The following RANBP10 variants were observed in gnomAD, a reference collection of about 807,000 sequenced individuals.
The protein encoded by RANBP10 is RAN binding protein 10.
RANBP10 carries 24 observed loss-of-function variants against 72.8 expected under a neutral mutation model. That is an observed-to-expected ratio of 0.33 (90% CI 0.24 to 0.46). The LOEUF (loss-of-function observed/expected upper bound fraction) is 0.46. RANBP10 is among the 20% of genes least tolerant of loss of function. RANBP10 has a pLI of 1.00. For missense variants in RANBP10, 679 were observed against 817.5 expected (o/e 0.83, Z 2.07); for synonymous variants, 310 against 322.3 (o/e 0.96, Z 0.41).
At chr16:67,779,453 A>T (rs2054772333) in intron 2 of RANBP10, among the ~76,000 whole-genome samples, 1 of 152,086 alleles carries the variant, frequency 6.6e-6, no homozygotes, top group African/African-American at 2.4e-5. Context: ...TGAGCTGCCA[A>T]GAATGAGACA....
intron 3 of RANBP10, among the ~76,000 whole-genome samples, chr16:67,747,724 C>T (rs1336509518): frequency 4.6e-5 from 7 of 151,040 alleles, no homozygotes; most frequent in African/African-American, 1.5e-4. Flanking sequence ...AGGCTGGTCT[C>T]GAACTCCTGA....
intron 3 of RANBP10, among the ~76,000 whole-genome samples, chr16:67,759,954 G>T (rs2054363128): frequency 6.6e-6 from 1 of 152,082 alleles, no homozygotes. Flanking sequence ...CAAAAAATTA[G>T]CTGGGTGTGG....
intron 3 of RANBP10, among the ~76,000 whole-genome samples, chr16:67,753,830 C>T (rs143635140): frequency 5.5e-4 from 84 of 152,072 alleles, no homozygotes; most frequent in African/African-American, 2.0e-3. Flanking sequence ...TACATGGTGG[C>T]ACCATTTATC....
chr16:67,769,894 C>A (rs1376195550), intron 3 of RANBP10, among the ~76,000 whole-genome samples: 1 of 151,884 alleles, frequency 6.6e-6, no homozygotes, highest in African/African-American at 2.4e-5. Context: ...GGTGAGACCC[C>A]GCCTCTACAA....
intron 2 of RANBP10, among the ~76,000 whole-genome samples, chr16:67,788,963 C>T (rs2054974004): frequency 6.8e-6 from 1 of 147,892 alleles, no homozygotes; most frequent in Non-Finnish European, 1.5e-5. Context: ...CACCACTGCA[C>T]TCCAGCCTGG....
At chr16:67,778,354 A>T (rs78183824) in intron 2 of RANBP10, among the ~76,000 whole-genome samples, 6 of 145,360 alleles carry the variant, frequency 4.1e-5, no homozygotes, top group African/African-American at 1.0e-4. Context: ...TGTCTAAAAT[A>T]AAAAAAAAAA....
chr16:67,793,308 ATT>A (rs752769973), intron 2 of RANBP10, among the ~76,000 whole-genome samples: 110 of 131,456 alleles, frequency 8.4e-4, no homozygotes, highest in Middle Eastern at 3.8e-3. Context: ...CTGGCTTGTA[ATT>A]TTTTTTTTTT....
At chr16:67,735,105 C>A in intron 5 of RANBP10, 63 bp from the exon 6 acceptor site, 1 of 1,428,544 alleles carries the variant, frequency 7.0e-7, no homozygotes, top group Non-Finnish European at 9.5e-7. Context: ...GGCCTCACCT[C>A]ACCTCCATGG....
intron 3 of RANBP10, among the ~76,000 whole-genome samples, chr16:67,748,590 G>A (rs755577275): frequency 1.3e-5 from 2 of 152,036 alleles, no homozygotes; most frequent in Non-Finnish European, 2.9e-5. Flanking sequence ...TATTTGTACA[G>A]ATAGGGTCTT....
chr16:67,761,745 A>T (rs1007473231), intron 3 of RANBP10, among the ~76,000 whole-genome samples: 1 of 151,974 alleles, frequency 6.6e-6, no homozygotes, highest in Non-Finnish European at 1.5e-5. Context: ...AATTTTTTAT[A>T]TCTTTGGTAG....
chr16:67,771,448 C>T (rs369719058), intron 3 of RANBP10, among the ~76,000 whole-genome samples: 2 of 151,882 alleles, frequency 1.3e-5, no homozygotes, highest in African/African-American at 2.4e-5. Flanking sequence ...CGGGTTCAAG[C>T]GATTCTCCTG....
intron 2 of RANBP10, among the ~76,000 whole-genome samples, chr16:67,790,955 C>T (rs1419652239): frequency 6.6e-6 from 1 of 151,386 alleles, no homozygotes; most frequent in Non-Finnish European, 1.5e-5. Flanking sequence ...ACCTCAGCCT[C>T]CCAAAGTGCT....
At chr16:67,761,533 C>T (rs771901720) in intron 3 of RANBP10, among the ~76,000 whole-genome samples, 4 of 152,188 alleles carry the variant, frequency 2.6e-5, no homozygotes, top group Non-Finnish European at 4.4e-5. Context: ...TCAATGATAC[C>T]TAACTCCACT....
Position 67,731,489 on chromosome 16 carries a change from G to A in RANBP10, c.872C>T (p.Ser291Phe). 6.2e-7 allele frequency: 1 copy of A among 1,613,508 alleles called. No individual in the cohort carries two copies. ...AACCTTACTTTGTCTGTTCTTTATG[G>A]ACGCCTGTTCTTCCTGAATCGGGGT... The part of the protein sequence containing the change: ...TETPIQEEQA[S>F]IKNRQKIQKL... Residue 291 changes from serine to phenylalanine, a missense_variant, in exon 7 of 14, where the codon TCC becomes TTC. Physicochemically the swap from Ser to Phe is radical, Grantham distance 155. Coordinates refer to ENST00000317506, the MANE Select transcript of RANBP10 (RefSeq NM_020850.3).
intron 2 of RANBP10, among the ~76,000 whole-genome samples, chr16:67,783,228 C>G (rs773484727): frequency 6.6e-6 from 1 of 152,186 alleles, no homozygotes; most frequent in East Asian, 1.9e-4. Flanking sequence ...CTCCAACTGA[C>G]TAGAGTTTCT....
rs1355447881 is a variant in RANBP10 at position 67,726,182 on chromosome 16, C to T, written c.*246G>A. On this transcript the variant is annotated 3_prime_UTR_variant, in exon 14 of 14. Coordinates refer to ENST00000317506, the MANE Select transcript of RANBP10 (RefSeq NM_020850.3). Reference sequence around the variant, plus strand: ...CCCCCTTTCAAAATAGAAGGCGCTACATGAGAGTAACCAGCCAATACTGTG... The same window carrying T: ...CCCCCTTTCAAAATAGAAGGCGCTATATGAGAGTAACCAGCCAATACTGTG... The T allele has an allele frequency of 4.2e-6, 2 of 474,164 alleles. No homozygotes were observed. Among genetic ancestry groups the T allele is most frequent in the Non-Finnish European group, 7.5e-6 (2 of 265,048 alleles). 29.4% of individuals were successfully genotyped at this position (474,164 alleles called of 1,614,324 possible). A position where few individuals can be genotyped will look rare whatever the true frequency, so the allele number is the denominator to read the frequency against.
chr16:67,782,294 C>T, intron 2 of RANBP10, among the ~76,000 whole-genome samples: 1 of 151,868 alleles, frequency 6.6e-6, no homozygotes, highest in South Asian at 2.1e-4. Flanking sequence ...TGAGTGCCAC[C>T]ACACCTGGGT....
chr16:67,784,076 A>G (rs2054863963), intron 2 of RANBP10, among the ~76,000 whole-genome samples: 2 of 151,904 alleles, frequency 1.3e-5, no homozygotes, highest in African/African-American at 4.8e-5. Context: ...ACATCAAAGG[A>G]AAAGAAAGTT....
intron 3 of RANBP10, among the ~76,000 whole-genome samples, chr16:67,753,221 A>G (rs1354464847): frequency 6.6e-6 from 1 of 151,574 alleles, no homozygotes; most frequent in Non-Finnish European, 1.5e-5. Context: ...AAAAAAAAAA[A>G]AAGGCTGTGT....
Sources: allele counts gnomAD v4.1 joint callset (sites outside exome capture counted in the v4.1 genomes callset), GRCh38; gene constraint gnomAD v4.1.1; transcripts MANE v1.5; gene names NCBI Gene and HGNC (gene_info 2026-07-23, HGNC 2026-07-21).